The following ABRAXAS2 variants were observed in gnomAD, a reference collection of about 807,000 sequenced individuals.
ABRAXAS2 encodes abraxas 2, BRISC complex subunit.
Under a neutral mutation model 49.0 loss-of-function variants are expected in ABRAXAS2, and 23 were observed. That is an observed-to-expected ratio of 0.47 (90% confidence interval 0.34 to 0.66). ABRAXAS2 has a LOEUF of 0.66. ABRAXAS2 is among the 30% of genes least tolerant of loss of function. The pLI, the probability that ABRAXAS2 is intolerant of heterozygous loss-of-function variation, is 0.01. For missense variants in ABRAXAS2, 443 were observed against 511.9 expected, an observed-to-expected ratio of 0.87 and a Z score of 1.30; for synonymous variants, 168 against 180.2, an observed-to-expected ratio of 0.93 and a Z score of 0.54.
intron 1 of ABRAXAS2, among the ~76,000 whole-genome samples, chr10:124,802,149 T>A (rs1950709114): frequency 6.6e-6 from 1 of 152,192 alleles, no homozygotes; most frequent in Non-Finnish European, 1.5e-5. Context: ...CCGTCTCCCG[T>A]GCAGCAAAAC....
intron 2 of ABRAXAS2, among the ~76,000 whole-genome samples, chr10:124,812,928 G>T (rs562538282): frequency 6.6e-6 from 1 of 152,164 alleles, no homozygotes; most frequent in Non-Finnish European, 1.5e-5. Context: ...TGGGCTGGGC[G>T]TGGTGGCTCA....
At chr10:124,810,954 T>G (rs2134160523) in intron 2 of ABRAXAS2, among the ~76,000 whole-genome samples, 1 of 148,716 alleles carries the variant, frequency 6.7e-6, no homozygotes, top group African/African-American at 2.4e-5. Context: ...GCGTGGTGGC[T>G]CACGCCTGTA....
At position 124,831,580 on chromosome 10, in the gene ABRAXAS2, C is replaced by T. The variant is rs1386595186; in HGVS notation, c.778+117C>T. On this transcript the variant is annotated intron_variant, in intron 8 of 8. Coordinates refer to ENST00000298492, the MANE Select transcript of ABRAXAS2 (RefSeq NM_032182.4). The stretch of plus-strand genomic sequence containing the variant: ...TACGCTCATCCAGTCTCAGATTAGC[C>T]TGGCTGGGGCAGAGCAGTCTCTTGT... 7.0e-6 allele frequency: 4 copies of T among 571,230 alleles called. No homozygotes were observed. The South Asian group carries it at 7.1e-5, about 10-fold the overall frequency. The allele number at this position is 571,230 out of a possible 1,614,324, so 35.4% of individuals were successfully genotyped here. A position where few individuals can be genotyped will look rare whatever the true frequency, so the allele number is the denominator to read the frequency against.
intron 4 of ABRAXAS2, among the ~76,000 whole-genome samples, chr10:124,822,946 G>A (rs566326585): frequency 9.2e-5 from 14 of 152,214 alleles, no homozygotes; most frequent in African/African-American, 2.9e-4. Flanking sequence ...CTTTTTCTGC[G>A]GCCAAGAGTC....
chr10:124,823,150 A>T (rs927722889), intron 4 of ABRAXAS2, among the ~76,000 whole-genome samples: 1 of 152,090 alleles, frequency 6.6e-6, no homozygotes, highest in Non-Finnish European at 1.5e-5. Flanking sequence ...TAAAGTATGA[A>T]CTCTGTAAGG....
rs1589801154 is a variant in ABRAXAS2, at chr10:124,804,675, T to G, written c.73-2156T>G. 1.3e-4 allele frequency among the ~76,000 whole-genome samples: 3 copies of G among 22,780 alleles called. No homozygotes were observed. In the South Asian group the frequency reaches 8.5e-3, roughly 64 times the overall value. The allele number at this position is 22,780 out of a possible 152,430, so 14.9% of individuals were successfully genotyped here. On this transcript the variant is annotated intron_variant, in intron 1 of 8. Coordinates refer to ENST00000298492, the MANE Select transcript of ABRAXAS2 (RefSeq NM_032182.4). The stretch of plus-strand genomic sequence containing the variant: ...GGACACTCCTTTGGATCTCAGAGAG[T>G]TTTTTTTTTTTAAGGGAATATATAT...
At position 124,801,841 on chromosome 10, in the gene ABRAXAS2, C is replaced by T. The variant is rs1255570969; in HGVS notation, c.12C>T (p.Ser4=). The change falls in exon 1 of 9, where the codon TCC becomes TCT. Residue 4 remains serine, a synonymous_variant. Transcript: ENST00000298492. MAA[S]ISGYTFSAVC... ...TGGAGATTTCCATCATGGCGGCGTCCATTTCGGGCTACACCTTCAGTGCTG... is the reference window on the plus strand; with the variant it reads ...TGGAGATTTCCATCATGGCGGCGTCTATTTCGGGCTACACCTTCAGTGCTG... 6.2e-7 allele frequency: 1 copy of T among 1,613,480 alleles called. No individual in the cohort carries two copies. The highest frequency in any genetic ancestry group is 2.2e-5 in the East Asian group (1 of 44,752).
chr10:124,816,347 A>G (rs1262115316), intron 2 of ABRAXAS2, among the ~76,000 whole-genome samples: 1 of 152,198 alleles, frequency 6.6e-6, no homozygotes, highest in Non-Finnish European at 1.5e-5. Context: ...TGTGCTCATC[A>G]TACATGGACA....
chr10:124,808,898 A>G (rs1589802806), intron 2 of ABRAXAS2, among the ~76,000 whole-genome samples: 1 of 152,196 alleles, frequency 6.6e-6, no homozygotes, highest in East Asian at 1.9e-4. Context: ...TGGGAGGCCA[A>G]GTTGGGCGGA....
At chr10:124,828,223 G>T (rs950071164) in intron 5 of ABRAXAS2, among the ~76,000 whole-genome samples, 2 of 151,940 alleles carry the variant, frequency 1.3e-5, no homozygotes, top group African/African-American at 4.8e-5. Flanking sequence ...TGGAGACAGG[G>T]TCTTACCCTG....
intron 4 of ABRAXAS2, among the ~76,000 whole-genome samples, chr10:124,821,284 CGG>C (rs1336927414): frequency 6.7e-6 from 1 of 148,392 alleles, no homozygotes; most frequent in Non-Finnish European, 1.5e-5. Flanking sequence ...AAGAAGAAAT[CGG>C]CTGGGTGCGG....
chr10:124,801,957 C>T, intron 1 of ABRAXAS2, 56 bp downstream of exon 1: 1 of 1,571,124 alleles, frequency 6.4e-7, no homozygotes, highest in Non-Finnish European at 8.7e-7. Context: ...CTGTCTCAGG[C>T]CGGCGCTCGC....
rs1564927078 is a variant in ABRAXAS2, at chr10:124,834,842, CG to C, written c.1120del (p.Asp374ThrfsTer7). 6.2e-7 allele frequency: 1 copy of C among 1,614,018 alleles called. No individual in the cohort carries two copies. The highest frequency in any genetic ancestry group is 2.2e-5 in the East Asian group (1 of 44,874). ...AAGDSGEDSDDSDYENLIDPT... is the reference protein window; with the variant it reads ...AAGDSGEDSDXSDYENLIDPT... ...CTGGAGACAGTGGTGAGGATTCAGA[CG>C]ACAGTGATTATGAAAATTTGATTGA... On this transcript the variant is annotated frameshift_variant, in exon 9 of 9. Transcript: ENST00000298492. LOFTEE classifies it high-confidence loss of function.
At chr10:124,806,709 A>T in intron 1 of ABRAXAS2, 122 bp from the exon 2 acceptor site, 1 of 628,168 alleles carries the variant, frequency 1.6e-6, no homozygotes, top group Non-Finnish European at 2.8e-6. Context: ...ATAGTGGTTT[A>T]CATGGGAAGC....
chr10:124,801,842 A>C lies in ABRAXAS2; in HGVS notation c.13A>C (p.Ile5Leu). Reference protein sequence around the residue: MAASISGYTFSAVCF... With the variant: MAASLSGYTFSAVCF... Reference sequence around the variant, plus strand: ...GGAGATTTCCATCATGGCGGCGTCCATTTCGGGCTACACCTTCAGTGCTGT... The same window carrying C: ...GGAGATTTCCATCATGGCGGCGTCCCTTTCGGGCTACACCTTCAGTGCTGT... The change falls in exon 1 of 9, where the codon ATT becomes CTT. Residue 5 changes from isoleucine to leucine, a missense_variant. Physicochemically the swap from Ile to Leu is conservative, Grantham distance 5 (BLOSUM62 2). Around this residue, in one of 3 missense-constraint regions of ABRAXAS2, gnomAD observed 47 missense variants for 27.6 expected, o/e 1.70. Coordinates refer to ENST00000298492, the MANE Select transcript of ABRAXAS2 (RefSeq NM_032182.4). 1 of 1,613,332 alleles carries C rather than the reference A, an allele frequency of 6.2e-7. No homozygotes were observed. The highest frequency in any genetic ancestry group is 8.5e-7 in the Non-Finnish European group (1 of 1,179,774).
chr10:124,817,484 C>A (rs945914006), intron 3 of ABRAXAS2, among the ~76,000 whole-genome samples: 1 of 152,148 alleles, frequency 6.6e-6, no homozygotes, highest in Non-Finnish European at 1.5e-5. Context: ...GATTTCAACT[C>A]TGTGTTTCAT....
intron 8 of ABRAXAS2, among the ~76,000 whole-genome samples, chr10:124,833,729 A>G (rs895639754): frequency 6.6e-6 from 1 of 152,078 alleles, no homozygotes; most frequent in Non-Finnish European, 1.5e-5. Context: ...TTCCTTTCTA[A>G]ATATTCTAAA....
chr10:124,829,521 A>T, intron 7 of ABRAXAS2, 44 bp downstream of exon 7: 3 of 1,310,098 alleles, frequency 2.3e-6, no homozygotes, highest in Non-Finnish European at 3.2e-6. Flanking sequence ...TGTCTTGCCC[A>T]AAAGCTTTTA....
At chr10:124,818,197 C>T (rs1195457741) in intron 3 of ABRAXAS2, among the ~76,000 whole-genome samples, 1 of 152,012 alleles carries the variant, frequency 6.6e-6, no homozygotes, top group Non-Finnish European at 1.5e-5. Context: ...GAGATCGAGA[C>T]CATCCTGGTT....
Sources: gnomAD v4.1 joint callset for allele counts (sites outside exome capture counted in the v4.1 genomes callset) on GRCh38, gnomAD v4.1.1 for gene constraint, gnomAD v4.1.1 regional missense constraint, MANE v1.5 for transcripts, NCBI Gene and HGNC (gene_info 2026-07-23, HGNC 2026-07-21) for gene names.